Variants in BBX observed in about 807,000 individuals in gnomAD.
The protein encoded by BBX is BBX high mobility group box domain containing, also known as HMG box transcription factor BBX.
BBX carries 30 observed loss-of-function variants against 100.2 expected under a neutral mutation model. That is an observed-to-expected ratio of 0.30 (90% CI 0.22 to 0.41). BBX has a LOEUF of 0.41. Among genes scored for constraint, BBX ranks in the 10% least tolerant of loss-of-function variants. The probability of loss-of-function intolerance (pLI) is 1.00; values close to 1 mark genes in which losing one functional copy is unlikely to be tolerated. For synonymous variants in BBX, 376 were observed against 388.1 expected (o/e 0.97, Z 0.37); for missense variants, 1,023 against 1,129.8 (o/e 0.91, Z 1.35).
At chr3:107,573,879 A>G (rs1382541946) in intron 2 of BBX, among the ~76,000 whole-genome samples, 1 of 152,038 alleles carries the variant, frequency 6.6e-6, no homozygotes, top group Admixed American at 6.5e-5. Context: ...GGCATGTGAC[A>G]CCACACCTGG....
rs546769175 is a variant in BBX, at chr3:107,801,408, A to G, written c.2738+127A>G. The G allele has an allele frequency of 3.0e-4, 288 of 964,624 alleles. 1 individual carries two copies. Among genetic ancestry groups the G allele is most frequent in the Non-Finnish European group, 3.8e-4 (251 of 666,384 alleles). The allele number at this position is 964,624 out of a possible 1,614,324, so 59.8% of individuals were successfully genotyped here. ...GTTCAAGAGCACTATTGGTTATATG[A>G]GGTATTACAAAAGCATATATGCTAA... On this transcript the variant is annotated intron_variant, in intron 17 of 17. Transcript: ENST00000325805.
chr3:107,616,430 T>C (rs1559877923), intron 2 of BBX, among the ~76,000 whole-genome samples: 1 of 149,572 alleles, frequency 6.7e-6, no homozygotes, highest in East Asian at 1.9e-4. Context: ...TATTCAGTTT[T>C]TGTTTTTGTT....
At chr3:107,645,758 AG>A (rs1314447245) in intron 2 of BBX, 77 bp from the exon 3 acceptor site, 4 of 152,646 alleles carry the variant, frequency 2.6e-5, no homozygotes, top group African/African-American at 4.8e-5. Flanking sequence ...ATTTTGCTAA[AG>A]AGAATGAGTG....
intron 2 of BBX, among the ~76,000 whole-genome samples, chr3:107,576,883 A>G (rs1233946528): frequency 1.3e-5 from 2 of 151,938 alleles, no homozygotes; most frequent in African/African-American, 2.4e-5. Context: ...ATTTTTTGAG[A>G]TGGAGTCTCA....
chr3:107,709,078 A>G (rs955003313), intron 3 of BBX, among the ~76,000 whole-genome samples: 2 of 152,200 alleles, frequency 1.3e-5, no homozygotes, highest in Non-Finnish European at 2.9e-5. Context: ...TAGAAGGAAT[A>G]ATGAAAAGCT....
intron 9 of BBX, among the ~76,000 whole-genome samples, chr3:107,752,407 A>C (rs1460323771): frequency 6.6e-6 from 1 of 152,232 alleles, no homozygotes; most frequent in Non-Finnish European, 1.5e-5. Flanking sequence ...TTTTTAGATA[A>C]GAAAGGTAAG....
intron 1 of BBX, among the ~76,000 whole-genome samples, chr3:107,525,043 C>T (rs1240470883): frequency 1.3e-5 from 2 of 150,528 alleles, no homozygotes; most frequent in Non-Finnish European, 1.5e-5. Context: ...CTGGGGTTGC[C>T]CACTGGCGGC....
At chr3:107,768,034 CTT>C (rs1163861281) in intron 10 of BBX, among the ~76,000 whole-genome samples, 2 of 152,170 alleles carry the variant, frequency 1.3e-5, no homozygotes, top group African/African-American at 4.8e-5. Context: ...GTCCCATGGG[CTT>C]CAGTGTCACT....
At chr3:107,722,644 GGAGT>G (rs898240415) in intron 5 of BBX, among the ~76,000 whole-genome samples, 5 of 151,860 alleles carry the variant, frequency 3.3e-5, no homozygotes, top group Admixed American at 3.3e-4. Flanking sequence ...AATTTCTGTT[GGAGT>G]GGCTTTATTA....
chr3:107,534,821 C>T (rs2048384468), intron 2 of BBX, among the ~76,000 whole-genome samples: 1 of 152,104 alleles, frequency 6.6e-6, no homozygotes, highest in Non-Finnish European at 1.5e-5. Flanking sequence ...GAAATAAACT[C>T]CTTATCCAAA....
chr3:107,687,334 CTTTT>C (rs35093419), intron 3 of BBX, among the ~76,000 whole-genome samples: 1 of 144,862 alleles, frequency 6.9e-6, no homozygotes, highest in African/African-American at 2.5e-5. Context: ...AGTTAAGTTT[CTTTT>C]TTTTTTTTTT....
At chr3:107,704,145 A>C (rs1014535199) in intron 3 of BBX, among the ~76,000 whole-genome samples, 1 of 152,220 alleles carries the variant, frequency 6.6e-6, no homozygotes, top group African/African-American at 2.4e-5. Flanking sequence ...CAGTAACTGC[A>C]TCAGAGTGTT....
At chr3:107,612,261 A>T (rs147441703) in intron 2 of BBX, among the ~76,000 whole-genome samples, 142 of 151,984 alleles carry the variant, frequency 9.3e-4, no homozygotes, top group Non-Finnish European at 1.5e-3. Flanking sequence ...TGATGATGTC[A>T]TGTTTTCCTG....
chr3:107,622,878 T>C (rs2055883958), intron 2 of BBX, among the ~76,000 whole-genome samples: 1 of 152,214 alleles, frequency 6.6e-6, no homozygotes. Flanking sequence ...CTGTGACTTG[T>C]GGTTCCTATG....
intron 5 of BBX, among the ~76,000 whole-genome samples, chr3:107,728,126 A>T (rs1299434816): frequency 6.6e-6 from 1 of 152,184 alleles, no homozygotes; most frequent in Non-Finnish European, 1.5e-5. Context: ...AACATCACAT[A>T]TCAGTGCTCT....
intron 10 of BBX, among the ~76,000 whole-genome samples, chr3:107,771,296 G>A (rs1165666982): frequency 1.3e-5 from 2 of 152,098 alleles, no homozygotes; most frequent in East Asian, 1.9e-4. Context: ...TTTACAATAA[G>A]CTTAAATTTC....
intron 5 of BBX, among the ~76,000 whole-genome samples, chr3:107,726,197 T>C (rs931126544): frequency 2.0e-5 from 3 of 152,038 alleles, no homozygotes; most frequent in African/African-American, 7.2e-5. Flanking sequence ...TCACAACAAA[T>C]GATTAAGCCT....
At chr3:107,729,612 C>T (rs1000864489) in intron 6 of BBX, among the ~76,000 whole-genome samples, 1 of 152,150 alleles carries the variant, frequency 6.6e-6, no homozygotes, top group Admixed American at 6.5e-5. Context: ...TACAAGTGGG[C>T]TCTGTCTTTC....
intron 13 of BBX, among the ~76,000 whole-genome samples, chr3:107,786,183 A>C (rs1275447333): frequency 6.6e-6 from 1 of 152,252 alleles, no homozygotes; most frequent in East Asian, 1.9e-4. Flanking sequence ...AAATTAATAG[A>C]AAAACATCCC....
Sources: allele counts gnomAD v4.1 joint callset (sites outside exome capture counted in the v4.1 genomes callset), GRCh38; gene constraint gnomAD v4.1.1; transcripts MANE v1.5; gene names NCBI Gene and HGNC (gene_info 2026-07-23, HGNC 2026-07-21).